Variants in ACOT12 observed in about 807,000 individuals in gnomAD.
ACOT12 encodes the protein acyl-CoA thioesterase 12.
In ACOT12, 51 loss-of-function variants were observed where a neutral mutation model predicts 67.7. That is an observed-to-expected ratio of 0.75 (90% CI 0.60 to 0.95). ACOT12 has a LOEUF of 0.95. ACOT12 is among the 40% of genes least tolerant of loss of function. ACOT12 has a pLI of 0.00. For synonymous variants in ACOT12, 251 were observed against 244.6 expected, an observed-to-expected ratio of 1.03 and a Z score of -0.24; for missense variants, 734 against 708.1, an observed-to-expected ratio of 1.04 and a Z score of -0.41.
Position 81,391,195 on chromosome 5 carries a change from T to C in ACOT12, c.127+2793A>G, listed in dbSNP as rs573026656. The stretch of plus-strand genomic sequence containing the variant: ...CAGATATCTGGGAAAAGATTATAGA[T>C]AGATTTTAGGGCTCTGTCTCTCTGG... On this transcript the variant is annotated intron_variant, in intron 1 of 14. Transcript: ENST00000307624. 3.4e-4 allele frequency among the ~76,000 whole-genome samples: 52 copies of C among 152,348 alleles called. 1 individual carries two copies. In the South Asian group the frequency reaches 6.8e-3, roughly 20 times the overall value.
At chr5:81,312,895 C>A in the ACOT12 span, 1 of 297,752 alleles carries the variant, frequency 3.4e-6, no homozygotes, top group Non-Finnish European at 6.3e-6. Context: ...TCTAAAAGAA[C>A]ATATTTTAAG....
rs562126311 is a variant in ACOT12, at chr5:81,374,067, C to G, written c.198-2257G>C. Among the ~76,000 whole-genome samples, 13 of 152,298 alleles carry G rather than the reference C, an allele frequency of 8.5e-5. No individual in the cohort carries two copies. In the South Asian group the frequency reaches 2.7e-3, roughly 32 times the overall value. ...GGAGACACCTCCCAGTAGGGGCCGA[C>G]AGACACCTCATACAGGATAGCTCTG... On this transcript the variant is annotated intron_variant, in intron 2 of 14. Coordinates refer to ENST00000307624, the MANE Select transcript of ACOT12 (RefSeq NM_130767.3).
intron 5 of ACOT12, among the ~76,000 whole-genome samples, chr5:81,359,687 T>G (rs545674480): frequency 3.3e-4 from 50 of 152,302 alleles, no homozygotes; most frequent in African/African-American, 1.1e-3. Context: ...CCATCTCCTT[T>G]CCTGGAGATC....
At chr5:81,389,655 T>C (rs1760813349) in intron 1 of ACOT12, among the ~76,000 whole-genome samples, 1 of 151,994 alleles carries the variant, frequency 6.6e-6, no homozygotes, top group Admixed American at 6.5e-5. Context: ...GCCTCCTGAG[T>C]AGCTGGGAAT....
intron 3 of ACOT12, among the ~76,000 whole-genome samples, chr5:81,367,146 A>G (rs1561342823): frequency 6.6e-6 from 1 of 152,160 alleles, no homozygotes; most frequent in Non-Finnish European, 1.5e-5. Context: ...AAACAAACAC[A>G]TTTTTACACG....
At chr5:81,308,947 C>G in the ACOT12 span, 1 of 1,611,876 alleles carries the variant, frequency 6.2e-7, no homozygotes, top group African/African-American at 1.3e-5. Flanking sequence ...TTTTTACAGG[C>G]GAATTTCCTT....
intron 1 of ACOT12, among the ~76,000 whole-genome samples, chr5:81,393,174 A>G (rs150144033): frequency 2.3e-4 from 35 of 152,324 alleles, no homozygotes; most frequent in African/African-American, 7.7e-4. Flanking sequence ...GGGTGAATGC[A>G]GAAGCAGGTA....
Position 81,342,661 on chromosome 5 carries a change from A to C in ACOT12, c.1128+11T>G, listed in dbSNP as rs781032525. On this transcript the variant is annotated intron_variant, in intron 11 of 14. Coordinates refer to ENST00000307624, the MANE Select transcript of ACOT12 (RefSeq NM_130767.3). ...GGCGATGGATTATGCAAATACCTGG[A>C]AGTGTCCTACCTTTTCCACAGTGCT... 1.2e-6 allele frequency: 2 copies of C among 1,613,984 alleles called. No individual in the cohort carries two copies. Among genetic ancestry groups the C allele is most frequent in the Non-Finnish European group, 1.7e-6 (2 of 1,179,868 alleles).
At chr5:81,323,861 C>CATATATACATATATACATGT in the ACOT12 span, among the ~76,000 whole-genome samples, 1 of 105,504 alleles carries the variant, frequency 9.5e-6, no homozygotes, top group Non-Finnish European at 2.2e-5. Context: ...CATGTATATG[C>CATATATACATATATACATGT]ATATGTATAT....
At chr5:81,338,021 G>T (rs1185078900) in intron 11 of ACOT12, among the ~76,000 whole-genome samples, 1 of 152,170 alleles carries the variant, frequency 6.6e-6, no homozygotes, top group Non-Finnish European at 1.5e-5. Flanking sequence ...TCCCCTAGAA[G>T]GTGAGGGTAG....
intron 5 of ACOT12, among the ~76,000 whole-genome samples, chr5:81,352,548 TA>T (rs1221946995): frequency 6.6e-6 from 1 of 151,860 alleles, no homozygotes; most frequent in Non-Finnish European, 1.5e-5. Flanking sequence ...TTGTGGGAGC[TA>T]AAAATCAAAA....
intron 6 of ACOT12, among the ~76,000 whole-genome samples, chr5:81,346,378 A>G (rs1759381867): frequency 6.6e-6 from 1 of 152,238 alleles, no homozygotes; most frequent in Non-Finnish European, 1.5e-5. Flanking sequence ...GTGGGGTCCA[A>G]GTGAAGGCAG....
the ACOT12 span, among the ~76,000 whole-genome samples, chr5:81,313,638 T>C: frequency 6.6e-6 from 1 of 152,232 alleles, no homozygotes; most frequent in Non-Finnish European, 1.5e-5. Flanking sequence ...GGAATGACTC[T>C]AGTGGTTTTG....
Position 81,344,918 on chromosome 5 carries a change from C to T in ACOT12, c.897G>A (p.Thr299=), listed in dbSNP as rs772097091. The part of the protein sequence containing the change: ...NAADDKENLI[T]FPRIQPISKD... ...TTGAAATGGGTTGGATTCTGGGAAA[C>T]GTGATGAGATTTTCCTTATCATCAG... Residue 299 remains threonine, a synonymous_variant, in exon 8 of 15, where the codon ACG becomes ACA. Coordinates refer to ENST00000307624, the MANE Select transcript of ACOT12 (RefSeq NM_130767.3). 3.6e-5 allele frequency: 58 copies of T among 1,613,982 alleles called. No individual in the cohort carries two copies. Among genetic ancestry groups the T allele is most frequent in the Non-Finnish European group, 4.6e-5 (54 of 1,180,014 alleles).
the ACOT12 span, among the ~76,000 whole-genome samples, chr5:81,324,443 A>T: frequency 6.6e-6 from 1 of 152,162 alleles, no homozygotes; most frequent in Non-Finnish European, 1.5e-5. Context: ...TGAGATGACT[A>T]TTGTCCTAAT....
intron 4 of ACOT12, among the ~76,000 whole-genome samples, chr5:81,360,294 A>AT (rs1227300007): frequency 6.6e-6 from 1 of 152,156 alleles, no homozygotes; most frequent in East Asian, 1.9e-4. Flanking sequence ...ATTTTCCCTG[A>AT]TTTTAAAATT....
intron 5 of ACOT12, among the ~76,000 whole-genome samples, chr5:81,353,196 G>A (rs546624338): frequency 6.6e-5 from 10 of 152,258 alleles, no homozygotes; most frequent in African/African-American, 1.9e-4. Flanking sequence ...GAGATTATAC[G>A]TGCACCAGCA....
the ACOT12 span, among the ~76,000 whole-genome samples, chr5:81,314,442 G>A: frequency 6.6e-5 from 10 of 152,138 alleles, no homozygotes; most frequent in African/African-American, 2.2e-4. Context: ...ATATTAGGCA[G>A]TGAAGTCATT....
chr5:81,311,254 A>T, the ACOT12 span: 2 of 1,614,108 alleles, frequency 1.2e-6, no homozygotes, highest in South Asian at 2.2e-5. Flanking sequence ...ATTTAAAGAA[A>T]GATTGCCCTG....
Sources: allele counts gnomAD v4.1 joint callset (sites outside exome capture counted in the v4.1 genomes callset), GRCh38; gene constraint gnomAD v4.1.1; transcripts MANE v1.5; gene names NCBI Gene and HGNC (gene_info 2026-07-23, HGNC 2026-07-21).